MED13: variants seen among roughly 807,000 people sequenced by gnomAD.
The protein encoded by MED13 is mediator complex subunit 13.
MED13 carries 23 observed loss-of-function variants against 225.2 expected under a neutral mutation model. That is an observed-to-expected ratio of 0.10 (90% CI 0.07 to 0.14). MED13 has a LOEUF of 0.14. MED13 is among the 10% of genes least tolerant of loss of function. The pLI is 1.00. For missense variants in MED13, 2,197 were observed against 2,594.5 expected (o/e 0.85, Z 3.33); for synonymous variants, 942 against 889.2 (o/e 1.06, Z -1.06).
chr17:61,961,081 A>C lies in MED13; in HGVS notation c.5266T>G (p.Cys1756Gly). Residue 1756 changes from cysteine to glycine, a missense_variant, in exon 23 of 30, where the codon TGT becomes GGT. Coordinates refer to ENST00000397786, the MANE Select transcript of MED13 (RefSeq NM_005121.3). Reference protein sequence around the residue: ...TALRSPDRPECIRLYAPPFIL... With the variant: ...TALRSPDRPEGIRLYAPPFIL... ...AAAGGAGGTGCATAAAGTCGAATACACTCTGGTCTCTATAAAATAAAAAAT... is the reference window on the plus strand; with the variant it reads ...AAAGGAGGTGCATAAAGTCGAATACCCTCTGGTCTCTATAAAATAAAAAAT... 3 of 1,611,994 alleles carry C rather than the reference A, an allele frequency of 1.9e-6. No homozygotes were observed. Among genetic ancestry groups the C allele is most frequent in the Non-Finnish European group, 2.5e-6 (3 of 1,178,640 alleles).
intron 8 of MED13, among the ~76,000 whole-genome samples, chr17:62,024,266 C>T (rs1161968718): frequency 6.6e-6 from 1 of 152,188 alleles, no homozygotes; most frequent in Non-Finnish European, 1.5e-5. Context: ...GATCCACCTG[C>T]CTCAGCAACC....
At chr17:61,963,928 G>A (rs1045177481) in intron 20 of MED13, among the ~76,000 whole-genome samples, 1 of 152,200 alleles carries the variant, frequency 6.6e-6, no homozygotes, top group Non-Finnish European at 1.5e-5. Flanking sequence ...TGGAATCACT[G>A]TGTAAAGTAC....
intron 27 of MED13, 139 bp downstream of exon 27, chr17:61,952,826 G>A: frequency 1.1e-6 from 1 of 898,432 alleles, no homozygotes; most frequent in Non-Finnish European, 1.7e-6. Context: ...TAGTAGAGAT[G>A]GGGTTTCACC....
At position 61,984,346 on chromosome 17, in the gene MED13, G is replaced by A. The variant is rs2080230251; in HGVS notation, c.2713C>T (p.Pro905Ser). Residue 905 changes from proline (P) to serine (S), a missense_variant, in exon 15 of 30, where the codon CCT (proline) becomes TCT (serine). Physicochemically the swap from Pro to Ser is moderately conservative, Grantham distance 74 (BLOSUM62 -1). Coordinates refer to ENST00000397786, the MANE Select transcript of MED13 (RefSeq NM_005121.3). ...EIKDFSYVYKPENCQILVGCS... is the reference protein window; with the variant it reads ...EIKDFSYVYKSENCQILVGCS... ...CCCACTAGAATTTGACAATTTTCAG[G>A]CTTATAGACATAAGAAAAATCCTAC... 1 of 1,572,376 alleles carries A rather than the reference G, an allele frequency of 6.4e-7. No individual in the cohort carries two copies. The highest frequency in any genetic ancestry group is 1.2e-5 in the South Asian group (1 of 84,046).
chr17:62,009,563 T>G (rs887111709), intron 9 of MED13, among the ~76,000 whole-genome samples: 1 of 152,336 alleles, frequency 6.6e-6, no homozygotes, highest in African/African-American at 2.4e-5. Flanking sequence ...AAATTAAATC[T>G]TGTAAGACCA....
chr17:61,951,690 A>C (rs565268672), intron 27 of MED13, among the ~76,000 whole-genome samples: 1 of 152,310 alleles, frequency 6.6e-6, no homozygotes, highest in East Asian at 1.9e-4. Flanking sequence ...ATGTGGAAAG[A>C]AGATAATTTG....
intron 9 of MED13, among the ~76,000 whole-genome samples, chr17:62,003,455 A>C (rs2080414753): frequency 6.6e-6 from 1 of 152,112 alleles, no homozygotes; most frequent in African/African-American, 2.4e-5. Flanking sequence ...AATACAAAAA[A>C]TTAGTCAGGC....
At chr17:61,989,177 AT>A in intron 11 of MED13, among the ~76,000 whole-genome samples, 1 of 151,718 alleles carries the variant, frequency 6.6e-6, no homozygotes, top group South Asian at 2.1e-4. Context: ...CACCCGGCTG[AT>A]TTTTTGTATT....
rs945185106 is a variant in MED13 at position 61,946,206 on chromosome 17, G to GAA, written c.*260_*261dup. ...TTACTTTTCACAAATACTGTGACTG[G>GAA]AAAAAAAAAAGGTTAATTTTGCTAC... On this transcript the variant is annotated 3_prime_UTR_variant, in exon 30 of 30. Transcript: ENST00000397786. 9 of 290,632 alleles carry GAA rather than the reference G, an allele frequency of 3.1e-5. No individual in the cohort carries two copies. The highest frequency in any genetic ancestry group is 6.3e-5 in the South Asian group (1 of 15,786). 18.0% of individuals were successfully genotyped at this position (290,632 alleles called of 1,614,324 possible).
At chr17:62,047,600 T>G (rs544685783) in intron 3 of MED13, among the ~76,000 whole-genome samples, 1 of 152,058 alleles carries the variant, frequency 6.6e-6, no homozygotes, top group East Asian at 1.9e-4. Flanking sequence ...AAATACCTAA[T>G]GCATATGGGG....
intron 8 of MED13, among the ~76,000 whole-genome samples, chr17:62,021,619 T>C (rs1215514688): frequency 1.3e-5 from 2 of 152,258 alleles, no homozygotes; most frequent in Non-Finnish European, 2.9e-5. Context: ...ATCTCGCTAA[T>C]GAAAAATGCG....
chr17:61,961,708 T>C lies in MED13; in HGVS notation c.5136A>G (p.Lys1712=). 1 of 1,613,978 alleles carries C rather than the reference T, an allele frequency of 6.2e-7. No homozygotes were observed. Among genetic ancestry groups the C allele is most frequent in the Non-Finnish European group, 8.5e-7 (1 of 1,179,968 alleles). Residue 1712 remains lysine (K), a synonymous_variant, in exon 22 of 30, where the codon AAA becomes AAG. Transcript: ENST00000397786. ...GGGTAAAGGCCGAAAAAGCCAGGGA[T>C]TTTAAATGCTGGGGATAGATTTCTC... ...EDREIYPQHL[K]SLAFSAFTQC... is the part of the protein sequence containing the mutation.
In MED13 at chr17:61,971,392, A is replaced by C. The variant is rs563225222; in HGVS notation, c.3967+1335T>G. 2.6e-5 allele frequency among the ~76,000 whole-genome samples: 4 copies of C among 151,038 alleles called. No homozygotes were observed. The South Asian group carries it at 8.3e-4, about 32-fold the overall frequency. ...GCGGCAACCTGCGCCTCCCGGGTTCAAGTGATTCTTCTTCTCCTGCCACAG... is the reference window on the plus strand; with the variant it reads ...GCGGCAACCTGCGCCTCCCGGGTTCCAGTGATTCTTCTTCTCCTGCCACAG... On this transcript the variant is annotated intron_variant, in intron 17 of 29. Coordinates refer to ENST00000397786, the MANE Select transcript of MED13 (RefSeq NM_005121.3).
chr17:62,012,355 G>C (rs1179913910), intron 8 of MED13, among the ~76,000 whole-genome samples: 1 of 136,568 alleles, frequency 7.3e-6, no homozygotes, highest in African/African-American at 2.8e-5. Flanking sequence ...TTGAGAGGGA[G>C]TTTCGCTCTT....
Position 61,943,250 on chromosome 17 carries a change from T to C in MED13, c.*3218A>G, listed in dbSNP as rs898222742. ...AAAATATCACTCATGCAACATTAAGTGTATTAACTGATTGATATGCAATGC... is the reference window on the plus strand; with the variant it reads ...AAAATATCACTCATGCAACATTAAGCGTATTAACTGATTGATATGCAATGC... On this transcript the variant is annotated 3_prime_UTR_variant, in exon 30 of 30. Transcript: ENST00000397786. 2 of 152,562 alleles carry C rather than the reference T, an allele frequency of 1.3e-5. No homozygotes were observed. Among genetic ancestry groups the C allele is most frequent in the Non-Finnish European group, 2.9e-5 (2 of 67,982 alleles). 9.5% of individuals were successfully genotyped at this position (152,562 alleles called of 1,614,324 possible).
At chr17:61,991,508 TTTTGTTTG>T (rs533617662) in intron 11 of MED13, among the ~76,000 whole-genome samples, 1 of 151,598 alleles carries the variant, frequency 6.6e-6, no homozygotes, top group South Asian at 2.1e-4. Context: ...CCCAGCTAAT[TTTTGTTTG>T]TTTGTTTGTT....
At chr17:61,952,020 C>T (rs2079901119) in intron 27 of MED13, among the ~76,000 whole-genome samples, 1 of 152,078 alleles carries the variant, frequency 6.6e-6, no homozygotes, top group South Asian at 2.1e-4. Flanking sequence ...GTCTCAGCCT[C>T]CTGAGTAGCT....
chr17:61,967,643 G>T (rs1312692030), intron 18 of MED13, among the ~76,000 whole-genome samples: 1 of 152,138 alleles, frequency 6.6e-6, no homozygotes, highest in Non-Finnish European at 1.5e-5. Flanking sequence ...ATCTAGCATA[G>T]ATTTATTTTA....
chr17:62,025,997 C>A (rs772840548), intron 8 of MED13, among the ~76,000 whole-genome samples: 10 of 152,176 alleles, frequency 6.6e-5, no homozygotes, highest in Admixed American at 6.5e-4. Context: ...TTCAAACCAA[C>A]AGAGCAAATG....
Sources: gnomAD v4.1 joint callset for allele counts (sites outside exome capture counted in the v4.1 genomes callset) on GRCh38, gnomAD v4.1.1 for gene constraint, MANE v1.5 for transcripts, NCBI Gene and HGNC (gene_info 2026-07-23, HGNC 2026-07-21) for gene names.